The following SH3BGRL2 variants were observed in gnomAD, a reference collection of about 807,000 sequenced individuals.
SH3BGRL2 encodes SH3 domain binding glutamate rich protein like 2, also known as SH3 domain-binding glutamic acid-rich-like protein 2.
In SH3BGRL2, 21 loss-of-function variants were observed where a neutral mutation model predicts 14.8. The observed-to-expected ratio is 1.42, with a 90% confidence interval of 1.01 to 2.05. The LOEUF (loss-of-function observed/expected upper bound fraction) is 2.05. SH3BGRL2 is among the 30% of genes most tolerant of loss of function. SH3BGRL2 has a pLI of 0.00. For missense variants in SH3BGRL2, 147 were observed against 130.8 expected (o/e 1.12, Z -0.61); for synonymous variants, 50 against 47.8 (o/e 1.05, Z -0.19).
At chr6:79,609,231 T>G in the SH3BGRL2 span, among the ~76,000 whole-genome samples, 7 of 152,218 alleles carry the variant, frequency 4.6e-5, no homozygotes, top group African/African-American at 1.7e-4. Flanking sequence ...GTCAAAGTCA[T>G]TAGGTATCAT....
intron 1 of SH3BGRL2, among the ~76,000 whole-genome samples, chr6:79,647,445 G>A (rs548491263): frequency 3.9e-5 from 6 of 152,058 alleles, no homozygotes; most frequent in African/African-American, 1.4e-4. Flanking sequence ...AAATTAATGG[G>A]TTAATCAACT....
chr6:79,567,194 T>G, the SH3BGRL2 span, among the ~76,000 whole-genome samples: 1 of 152,206 alleles, frequency 6.6e-6, no homozygotes, highest in Non-Finnish European at 1.5e-5. Flanking sequence ...CTCTTACTTG[T>G]GTAGATTCAG....
chr6:79,654,126 A>T (rs946660802), intron 1 of SH3BGRL2, among the ~76,000 whole-genome samples: 1 of 152,194 alleles, frequency 6.6e-6, no homozygotes, highest in East Asian at 1.9e-4. Context: ...TTTTTTCATT[A>T]ATAGTCCAAA....
the SH3BGRL2 span, among the ~76,000 whole-genome samples, chr6:79,542,269 CT>C: frequency 5.4e-4 from 78 of 145,738 alleles, no homozygotes; most frequent in South Asian, 6.6e-4. Context: ...CTATATCCTA[CT>C]TTTTTTTTTT....
chr6:79,659,053 G>A (rs1769485026), intron 1 of SH3BGRL2, among the ~76,000 whole-genome samples: 1 of 151,986 alleles, frequency 6.6e-6, no homozygotes, highest in Admixed American at 6.6e-5. Context: ...TTGTCAGATG[G>A]GTAGATTGCA....
chr6:79,634,430 A>G (rs1057401032), intron 1 of SH3BGRL2, among the ~76,000 whole-genome samples: 2 of 152,210 alleles, frequency 1.3e-5, no homozygotes, highest in Non-Finnish European at 1.5e-5. Flanking sequence ...TAAGAAAATA[A>G]TATATTCATA....
At chr6:79,573,975 T>G in the SH3BGRL2 span, 1 of 152,232 alleles carries the variant, frequency 6.6e-6, no homozygotes, top group Admixed American at 6.5e-5. Flanking sequence ...TACAAGATTC[T>G]ATGTGTGTCT....
chr6:79,627,706 C>G (rs1390621242), upstream of SH3BGRL2, among the ~76,000 whole-genome samples: 1 of 152,058 alleles, frequency 6.6e-6, no homozygotes, highest in Middle Eastern at 3.2e-3. Context: ...TTTTTAATTC[C>G]TCATTCTTTT....
In SH3BGRL2 at chr6:79,696,526, CTT is replaced by C; in HGVS notation, c.276_277del (p.Ser93IlefsTer22). The C allele has an allele frequency of 6.3e-7, 1 of 1,575,254 alleles. No individual in the cohort carries two copies. The highest frequency in any genetic ancestry group is 2.3e-5 in the East Asian group (1 of 42,856). On this transcript the variant is annotated frameshift_variant, in exon 3 of 4. Coordinates refer to ENST00000369838, the MANE Select transcript of SH3BGRL2 (RefSeq NM_031469.4). LOFTEE classifies it high-confidence loss of function. ...FFESKESNTV[F>X]SFLGLKPRLA... ...TTGAATCCAAGGAAAGCAACACAGT[CTT>C]TTCATTTTTAGGCCTGAAACCACGG...
At chr6:79,576,644 G>A in the SH3BGRL2 span, among the ~76,000 whole-genome samples, 2 of 151,978 alleles carry the variant, frequency 1.3e-5, no homozygotes, top group Non-Finnish European at 2.9e-5. Context: ...CATTATTGGG[G>A]TATAATTTAC....
chr6:79,628,572 C>A (rs1405126624), upstream of SH3BGRL2, among the ~76,000 whole-genome samples: 1 of 152,134 alleles, frequency 6.6e-6, no homozygotes, highest in Non-Finnish European at 1.5e-5. Flanking sequence ...GTCTGATAAG[C>A]TGGTGTTGAT....
the SH3BGRL2 span, among the ~76,000 whole-genome samples, chr6:79,566,530 C>T: frequency 1.3e-5 from 2 of 152,294 alleles, no homozygotes; most frequent in Admixed American, 6.5e-5. Context: ...CACAATAGCT[C>T]ATAATCAGAA....
the SH3BGRL2 span, among the ~76,000 whole-genome samples, chr6:79,610,269 A>G: frequency 6.6e-6 from 1 of 152,200 alleles, no homozygotes; most frequent in African/African-American, 2.4e-5. Context: ...TAACTCATTG[A>G]GCTCACTTTT....
intron 1 of SH3BGRL2, among the ~76,000 whole-genome samples, chr6:79,646,715 C>T (rs1468965069): frequency 6.6e-6 from 1 of 152,178 alleles, no homozygotes; most frequent in Non-Finnish European, 1.5e-5. Context: ...CCCTCTAGCT[C>T]CTGGCAAGCA....
the SH3BGRL2 span, among the ~76,000 whole-genome samples, chr6:79,588,182 A>G: frequency 6.6e-6 from 1 of 151,112 alleles, no homozygotes; most frequent in Admixed American, 6.6e-5. Flanking sequence ...AGTCCCAGCT[A>G]CTCGGGAGGC....
At chr6:79,696,604 C>T in intron 3 of SH3BGRL2, 39 bp downstream of exon 3, 1 of 1,426,796 alleles carries the variant, frequency 7.0e-7, no homozygotes, top group Non-Finnish European at 9.5e-7. Flanking sequence ...TAGAATTCAT[C>T]TCTTTTGAAT....
intron 2 of SH3BGRL2, among the ~76,000 whole-genome samples, chr6:79,683,694 G>C (rs1377064200): frequency 2.0e-5 from 3 of 152,070 alleles, no homozygotes; most frequent in African/African-American, 7.2e-5. Flanking sequence ...TGATCTGCCC[G>C]CCTTGGCCTC....
At chr6:79,550,430 G>T in the SH3BGRL2 span, among the ~76,000 whole-genome samples, 2 of 152,106 alleles carry the variant, frequency 1.3e-5, no homozygotes, top group African/African-American at 4.8e-5. Flanking sequence ...CCTCTGCTTA[G>T]GTAGATATAT....
intron 2 of SH3BGRL2, among the ~76,000 whole-genome samples, chr6:79,689,148 T>C (rs1770159255): frequency 1.3e-5 from 2 of 152,180 alleles, no homozygotes; most frequent in South Asian, 2.1e-4. Flanking sequence ...CTTTTAAAAA[T>C]GATTTTCTTT....
Sources: allele counts gnomAD v4.1 joint callset (sites outside exome capture counted in the v4.1 genomes callset), GRCh38; gene constraint gnomAD v4.1.1; transcripts MANE v1.5; gene names NCBI Gene and HGNC (gene_info 2026-07-23, HGNC 2026-07-21).